Variants in CPPED1 observed in about 807,000 individuals in gnomAD.
CPPED1 encodes serine/threonine-protein phosphatase CPPED1.
In CPPED1, 28 loss-of-function variants were observed where a neutral mutation model predicts 28.0. The ratio of observed to expected loss-of-function variants is 1.00; its 90% CI spans 0.74 to 1.37. The LOEUF is 1.37. CPPED1 is among the 40% of genes most tolerant of loss of function. CPPED1 has a pLI of 0.00. For synonymous variants in CPPED1, 198 were observed against 180.2 expected (o/e 1.10, Z -0.79); for missense variants, 504 against 416.5 (o/e 1.21, Z -1.83).
At chr16:12,721,209 C>G (rs1475407046) in intron 2 of CPPED1, among the ~76,000 whole-genome samples, 2 of 152,086 alleles carry the variant, frequency 1.3e-5, no homozygotes, top group Non-Finnish European at 2.9e-5. Flanking sequence ...CCATCTCAAT[C>G]AGAAAGACAG....
chr16:12,737,753 A>G (rs1309518897), intron 2 of CPPED1, among the ~76,000 whole-genome samples: 1 of 152,214 alleles, frequency 6.6e-6, no homozygotes, highest in East Asian at 1.9e-4. Context: ...CTGCGCAGCA[A>G]AAGGGCTCTG....
intron 3 of CPPED1, among the ~76,000 whole-genome samples, chr16:12,689,066 T>TC (rs1330986882): frequency 1.3e-5 from 2 of 152,106 alleles, no homozygotes; most frequent in Admixed American, 6.6e-5. Flanking sequence ...AACCTCAGTG[T>TC]CCAACAATGA....
intron 2 of CPPED1, among the ~76,000 whole-genome samples, chr16:12,735,137 G>A (rs955439469): frequency 1.3e-5 from 2 of 152,120 alleles, no homozygotes; most frequent in African/African-American, 2.4e-5. Flanking sequence ...AGGTGATATC[G>A]GGTACAAATT....
At chr16:12,759,989 T>C (rs2080398904) in intron 2 of CPPED1, among the ~76,000 whole-genome samples, 1 of 152,244 alleles carries the variant, frequency 6.6e-6, no homozygotes. Context: ...GAAAGCTCCT[T>C]GTTCTGTCTT....
At chr16:12,742,321 A>G (rs1215691731) in intron 2 of CPPED1, among the ~76,000 whole-genome samples, 2 of 152,236 alleles carry the variant, frequency 1.3e-5, no homozygotes, top group Admixed American at 1.3e-4. Flanking sequence ...AGGTATGAGG[A>G]GCCCGTGAAA....
intron 1 of CPPED1, among the ~76,000 whole-genome samples, chr16:12,801,223 A>G (rs897812751): frequency 2.0e-5 from 3 of 152,102 alleles, no homozygotes; most frequent in African/African-American, 7.2e-5. Flanking sequence ...CCTCCCAAGT[A>G]GCTAGGACTA....
chr16:12,684,577 C>A lies in CPPED1; in HGVS notation c.716-19462G>T, dbSNP rs2079923087. On this transcript the variant is annotated intron_variant, in intron 3 of 3. Coordinates refer to ENST00000381774, the MANE Select transcript of CPPED1 (RefSeq NM_018340.3). ...GTCTGCCTGATGTGCACTTATTCAT[C>A]CTTCAAGACCCTGCTCATTCGTTTC... Among the ~76,000 whole-genome samples the A allele has an allele frequency of 2.0e-5, 3 of 152,180 alleles. No homozygotes were observed. In the South Asian group the frequency reaches 6.2e-4, roughly 32 times the overall value.
chr16:12,781,312 A>T lies in CPPED1; in HGVS notation c.162T>A (p.Cys54Ter), dbSNP rs1358340227. The T allele has an allele frequency of 6.2e-7, 1 of 1,614,000 alleles. No individual in the cohort carries two copies. Among genetic ancestry groups the T allele is most frequent in the Non-Finnish European group, 8.5e-7 (1 of 1,180,028 alleles). The change falls in exon 2 of 4, where the codon TGT (cysteine) becomes TGA (stop). Residue 54 changes from cysteine to a stop codon, truncating the protein, a stop_gained. Coordinates refer to ENST00000381774, the MANE Select transcript of CPPED1 (RefSeq NM_018340.3). LOFTEE classifies it high-confidence loss of function. ...GLIKAWSTGD[C>*]DNGGDEWEQE... ...GTTCCCATTCGTCACCGCCATTGTC[A>T]CAGTCCCCAGTGGACCAGGCCTTGA...
At chr16:12,769,103 G>T (rs1269467888) in intron 2 of CPPED1, among the ~76,000 whole-genome samples, 1 of 151,924 alleles carries the variant, frequency 6.6e-6, no homozygotes, top group Admixed American at 6.6e-5. Flanking sequence ...GACCTCAAGT[G>T]ATCCACCCGC....
At chr16:12,797,718 T>A (rs193006474) in intron 1 of CPPED1, among the ~76,000 whole-genome samples, 2 of 149,676 alleles carry the variant, frequency 1.3e-5, no homozygotes, top group African/African-American at 2.5e-5. Context: ...GAAAAAAAAA[T>A]GGCAAAAAAT....
At chr16:12,694,374 C>G (rs1184749790) in intron 3 of CPPED1, among the ~76,000 whole-genome samples, 2 of 152,184 alleles carry the variant, frequency 1.3e-5, no homozygotes, top group Non-Finnish European at 2.9e-5. Flanking sequence ...GAATCAGCAG[C>G]ATACATTTAC....
At chr16:12,793,512 T>A (rs2080609054) in intron 1 of CPPED1, among the ~76,000 whole-genome samples, 1 of 152,188 alleles carries the variant, frequency 6.6e-6, no homozygotes. Context: ...CGTGACATGA[T>A]GCAAGTTCCT....
chr16:12,694,520 G>C (rs2079979197), intron 3 of CPPED1, among the ~76,000 whole-genome samples: 1 of 152,122 alleles, frequency 6.6e-6, no homozygotes. Context: ...TTGGCAGTTA[G>C]TCTTTTATCT....
At chr16:12,785,728 T>C (rs1274855998) in intron 1 of CPPED1, among the ~76,000 whole-genome samples, 1 of 151,958 alleles carries the variant, frequency 6.6e-6, no homozygotes, top group Non-Finnish European at 1.5e-5. Flanking sequence ...GCCACCACAC[T>C]CAGATGAAAG....
intron 2 of CPPED1, among the ~76,000 whole-genome samples, chr16:12,720,669 G>T (rs1183967897): frequency 6.6e-6 from 1 of 152,158 alleles, no homozygotes; most frequent in Non-Finnish European, 1.5e-5. Flanking sequence ...TGTATTTTTA[G>T]TGGAGACAGG....
intron 1 of CPPED1, among the ~76,000 whole-genome samples, chr16:12,782,987 CA>C (rs1441241472): frequency 6.6e-6 from 1 of 152,080 alleles, no homozygotes. Flanking sequence ...AGTTCACGTC[CA>C]TGTGTTTGAT....
At chr16:12,708,327 T>C (rs975390106) in intron 2 of CPPED1, among the ~76,000 whole-genome samples, 9 of 152,108 alleles carry the variant, frequency 5.9e-5, no homozygotes, top group South Asian at 4.1e-4. Context: ...AGTCCCTTGG[T>C]TCCTCTGAGT....
chr16:12,747,094 G>C (rs1036201909), intron 2 of CPPED1, among the ~76,000 whole-genome samples: 5 of 151,978 alleles, frequency 3.3e-5, no homozygotes, highest in Non-Finnish European at 5.9e-5. Flanking sequence ...AAGAAGAATG[G>C]GAAATAAATG....
At chr16:12,699,501 A>T (rs986373138) in intron 3 of CPPED1, among the ~76,000 whole-genome samples, 2 of 152,146 alleles carry the variant, frequency 1.3e-5, no homozygotes, top group Non-Finnish European at 2.9e-5. Flanking sequence ...TCCCATTTTT[A>T]AAAATTAATG....
Sources: allele counts gnomAD v4.1 joint callset (sites outside exome capture counted in the v4.1 genomes callset), GRCh38; gene constraint gnomAD v4.1.1; transcripts MANE v1.5; gene names NCBI Gene and HGNC (gene_info 2026-07-23, HGNC 2026-07-21).